OLFM3: variants seen among roughly 807,000 people sequenced by gnomAD.
The protein encoded by OLFM3 is olfactomedin 3, also known as noelin-3.
A neutral mutation model predicts 48.6 loss-of-function variants in OLFM3; 20 were observed. That is an observed-to-expected ratio of 0.41 (90% CI 0.29 to 0.60). The LOEUF is 0.60. Among genes scored for constraint, OLFM3 ranks in the 20% least tolerant of loss-of-function variants. The pLI is 0.28. For synonymous variants in OLFM3, 222 were observed against 198.1 expected, an observed-to-expected ratio of 1.12 and a Z score of -1.01; for missense variants, 437 against 544.3, an observed-to-expected ratio of 0.80 and a Z score of 1.96.
intron 4 of OLFM3, among the ~76,000 whole-genome samples, chr1:101,810,527 A>C (rs1229003646): frequency 6.6e-6 from 1 of 151,978 alleles, no homozygotes; most frequent in African/African-American, 2.4e-5. Flanking sequence ...TAGCTGCAAA[A>C]ATTTAGTAGC....
chr1:101,917,242 C>T (rs915683971), intron 1 of OLFM3, among the ~76,000 whole-genome samples: 1 of 151,914 alleles, frequency 6.6e-6, no homozygotes, highest in Non-Finnish European at 1.5e-5. Context: ...AACAATATTG[C>T]AATGAAAGGT....
intron 1 of OLFM3, among the ~76,000 whole-genome samples, chr1:101,919,332 A>G (rs1305967042): frequency 4.0e-5 from 6 of 151,760 alleles, no homozygotes; most frequent in Non-Finnish European, 8.8e-5. Flanking sequence ...TCTATTTCCA[A>G]TTTTTTTTCT....
intron 1 of OLFM3, among the ~76,000 whole-genome samples, chr1:101,877,353 T>C (rs1179717397): frequency 2.0e-5 from 3 of 151,974 alleles, no homozygotes; most frequent in East Asian, 1.9e-4. Context: ...CAGCAAGTTA[T>C]TGTACCTTGA....
At chr1:101,994,016 T>C (rs990976455) in intron 1 of OLFM3, among the ~76,000 whole-genome samples, 21 of 150,380 alleles carry the variant, frequency 1.4e-4, no homozygotes, top group Non-Finnish European at 2.4e-4. Flanking sequence ...TTCCATGAAA[T>C]AGAATTGGCA....
chr1:101,887,649 C>A (rs1221488307), intron 1 of OLFM3, among the ~76,000 whole-genome samples: 1 of 151,926 alleles, frequency 6.6e-6, no homozygotes, highest in Non-Finnish European at 1.5e-5. Context: ...GTAATATAAT[C>A]ATCTTGGAAA....
intron 1 of OLFM3, among the ~76,000 whole-genome samples, chr1:101,898,438 A>G (rs1384787874): frequency 6.6e-6 from 1 of 152,214 alleles, no homozygotes; most frequent in Non-Finnish European, 1.5e-5. Context: ...GGGTGGTTAA[A>G]CATAACTGTA....
At chr1:101,921,096 GA>G (rs35065938) in intron 1 of OLFM3, among the ~76,000 whole-genome samples, 1 of 151,754 alleles carries the variant, frequency 6.6e-6, no homozygotes, top group African/African-American at 2.4e-5. Context: ...ATGGTGAGTG[GA>G]AAATGTAATA....
intron 1 of OLFM3, among the ~76,000 whole-genome samples, chr1:101,861,260 C>G (rs1481522368): frequency 6.6e-6 from 1 of 151,942 alleles, no homozygotes; most frequent in Non-Finnish European, 1.5e-5. Context: ...CAGGGTTTCA[C>G]TATGTTAGCC....
intron 2 of OLFM3, 33 bp downstream of exon 2, chr1:101,836,846 T>C (rs765369650): frequency 1.9e-5 from 31 of 1,606,900 alleles, no homozygotes; most frequent in Middle Eastern, 1.7e-4. Flanking sequence ...TCGATTTTAC[T>C]AAAAATATGC....
intron 1 of OLFM3, among the ~76,000 whole-genome samples, chr1:101,917,867 C>G (rs1161344890): frequency 2.0e-5 from 3 of 152,120 alleles, no homozygotes; most frequent in Non-Finnish European, 4.4e-5. Context: ...ATGTACTTTT[C>G]TTCTAATGTT....
At chr1:101,930,750 C>A (rs1400736293) in intron 1 of OLFM3, among the ~76,000 whole-genome samples, 32 of 152,194 alleles carry the variant, frequency 2.1e-4, no homozygotes, top group Admixed American at 2.0e-3. Flanking sequence ...CCGTTATGAT[C>A]TTTCCTTTGC....
chr1:101,889,615 A>T (rs191989710), intron 1 of OLFM3, among the ~76,000 whole-genome samples: 33 of 152,232 alleles, frequency 2.2e-4, no homozygotes, highest in African/African-American at 7.0e-4. Context: ...ACAAACCTAC[A>T]CGTTGTGCAC....
intron 1 of OLFM3, among the ~76,000 whole-genome samples, chr1:101,863,907 A>T (rs1656756501): frequency 6.6e-6 from 1 of 152,184 alleles, no homozygotes; most frequent in Admixed American, 6.5e-5. Context: ...CTCATTAAAG[A>T]TTCACTATCC....
intron 1 of OLFM3, among the ~76,000 whole-genome samples, chr1:101,878,598 A>G (rs1469943356): frequency 2.0e-5 from 3 of 151,876 alleles, no homozygotes; most frequent in African/African-American, 4.8e-5. Context: ...TAATGGAGAC[A>G]AGATTCTAGT....
chr1:101,847,396 C>A (rs1656050601), intron 1 of OLFM3, among the ~76,000 whole-genome samples: 1 of 151,348 alleles, frequency 6.6e-6, no homozygotes, highest in Non-Finnish European at 1.5e-5. Context: ...GGAGGTCTGC[C>A]AAAGTGCACA....
chr1:101,948,257 C>T (rs559932618), intron 1 of OLFM3, among the ~76,000 whole-genome samples: 7 of 152,122 alleles, frequency 4.6e-5, no homozygotes, highest in African/African-American at 1.7e-4. Context: ...TGTTCAAATC[C>T]TGTCAGCCTT....
intron 1 of OLFM3, among the ~76,000 whole-genome samples, chr1:101,885,722 T>A (rs1221946866): frequency 6.6e-6 from 1 of 152,156 alleles, no homozygotes; most frequent in Non-Finnish European, 1.5e-5. Context: ...GCTTACTTTG[T>A]CATACAAATA....
At chr1:101,915,734 G>A (rs189490768) in intron 1 of OLFM3, among the ~76,000 whole-genome samples, 4 of 152,212 alleles carry the variant, frequency 2.6e-5, no homozygotes, top group Admixed American at 2.0e-4. Flanking sequence ...TCCAACCTTG[G>A]CATCCTTTCA....
At chr1:101,956,410 A>T (rs2101077609) in intron 1 of OLFM3, among the ~76,000 whole-genome samples, 1 of 151,916 alleles carries the variant, frequency 6.6e-6, no homozygotes, top group South Asian at 2.1e-4. Context: ...ACCCACAAAC[A>T]TCACCTATTA....
Sources: gnomAD v4.1 joint callset for allele counts (sites outside exome capture counted in the v4.1 genomes callset) on GRCh38, gnomAD v4.1.1 for gene constraint, MANE v1.5 for transcripts, NCBI Gene and HGNC (gene_info 2026-07-23, HGNC 2026-07-21) for gene names.